The following KLHL1 variants were observed in gnomAD, a reference collection of about 807,000 sequenced individuals.
KLHL1 encodes the protein kelch like family member 1, also known as kelch-like protein 1.
KLHL1 carries 47 observed loss-of-function variants against 77.7 expected under a neutral mutation model. That is an observed-to-expected ratio of 0.60 (90% confidence interval 0.48 to 0.77). The LOEUF is 0.77. Among genes scored for constraint, KLHL1 ranks in the 30% least tolerant of loss-of-function variants. The pLI is 0.00. For missense variants in KLHL1, 925 were observed against 910.8 expected, an observed-to-expected ratio of 1.02 and a Z score of -0.20; for synonymous variants, 360 against 325.2, an observed-to-expected ratio of 1.11 and a Z score of -1.15.
intron 4 of KLHL1, among the ~76,000 whole-genome samples, chr13:69,915,368 C>T (rs1882390918): frequency 6.6e-6 from 1 of 152,192 alleles, no homozygotes; most frequent in Non-Finnish European, 1.5e-5. Context: ...GTAACCAAAA[C>T]AGCAGGGTAC....
intron 1 of KLHL1, among the ~76,000 whole-genome samples, chr13:70,095,911 T>A (rs575037056): frequency 5.7e-4 from 87 of 152,176 alleles, no homozygotes; most frequent in Non-Finnish European, 7.4e-4. Context: ...GTTCATTTTT[T>A]TTTAGTTCCC....
At chr13:70,069,040 A>C (rs1887077961) in intron 1 of KLHL1, among the ~76,000 whole-genome samples, 2 of 152,204 alleles carry the variant, frequency 1.3e-5, no homozygotes, top group African/African-American at 4.8e-5. Flanking sequence ...GCAAACTATT[A>C]AACTATTTTG....
At chr13:69,972,819 C>T (rs774396236) in intron 2 of KLHL1, among the ~76,000 whole-genome samples, 1 of 151,840 alleles carries the variant, frequency 6.6e-6, no homozygotes, top group Non-Finnish European at 1.5e-5. Flanking sequence ...GCCATGAACA[C>T]CTCCTAATTT....
At chr13:69,701,816 A>C in intron 10 of KLHL1, 55 bp from the exon 11 acceptor site, 1 of 1,231,800 alleles carries the variant, frequency 8.1e-7, no homozygotes, top group Non-Finnish European at 1.1e-6. Flanking sequence ...AAAATATAAA[A>C]CTTATATTTT....
intron 10 of KLHL1, among the ~76,000 whole-genome samples, chr13:69,702,280 C>T (rs1467289713): frequency 6.6e-6 from 1 of 151,456 alleles, no homozygotes; most frequent in Non-Finnish European, 1.5e-5. Context: ...TTGCTATATG[C>T]TTATTAAAAA....
chr13:70,083,343 T>C (rs180705510), intron 1 of KLHL1, among the ~76,000 whole-genome samples: 20 of 152,342 alleles, frequency 1.3e-4, no homozygotes, highest in African/African-American at 4.3e-4. Flanking sequence ...CTTATTTCTT[T>C]CCTTCTTTTT....
At chr13:69,913,892 G>A (rs1882326707) in intron 4 of KLHL1, among the ~76,000 whole-genome samples, 1 of 152,166 alleles carries the variant, frequency 6.6e-6, no homozygotes, top group Non-Finnish European at 1.5e-5. Flanking sequence ...GCTGCCAAAG[G>A]AGATTAACAT....
At chr13:69,841,116 A>G (rs923795073) in intron 5 of KLHL1, among the ~76,000 whole-genome samples, 2 of 151,888 alleles carry the variant, frequency 1.3e-5, no homozygotes, top group African/African-American at 4.8e-5. Flanking sequence ...TTAACTAGAT[A>G]AATAGTTAAA....
At chr13:69,884,497 T>C (rs1008971958) in intron 4 of KLHL1, among the ~76,000 whole-genome samples, 1 of 151,374 alleles carries the variant, frequency 6.6e-6, no homozygotes, top group Non-Finnish European at 1.5e-5. Context: ...TTTGTCCACC[T>C]GTTTTTCCAG....
chr13:70,022,306 T>A (rs1885824154), intron 1 of KLHL1, among the ~76,000 whole-genome samples: 1 of 144,206 alleles, frequency 6.9e-6, no homozygotes, highest in Admixed American at 6.9e-5. Context: ...TGTGTGTGTA[T>A]GTGTTTGGTT....
chr13:69,710,923 G>A (rs1373701483), intron 9 of KLHL1, among the ~76,000 whole-genome samples: 2 of 151,942 alleles, frequency 1.3e-5, no homozygotes, highest in Non-Finnish European at 2.9e-5. Flanking sequence ...CTCCGTATCA[G>A]AGACTCTATT....
At chr13:69,883,306 C>G (rs1382609361) in intron 4 of KLHL1, among the ~76,000 whole-genome samples, 2 of 152,086 alleles carry the variant, frequency 1.3e-5, no homozygotes, top group African/African-American at 4.8e-5. Flanking sequence ...TTTTCCTGTT[C>G]TCTTTGTTTT....
At chr13:69,947,028 TTGTGTGTGTGTG>T (rs59606834) in intron 3 of KLHL1, among the ~76,000 whole-genome samples, 36,861 of 145,848 alleles carry the variant, frequency 0.25, 4,985 homozygotes, top group South Asian at 0.31. Context: ...TGTGTGTGTG[TTGTGTGTGTGTG>T]TGTGTGTGTG....
chr13:69,740,377 G>T lies in KLHL1; in HGVS notation c.1802+17C>A. 1 of 1,513,116 alleles carries T rather than the reference G, an allele frequency of 6.6e-7. No homozygotes were observed. Among genetic ancestry groups the T allele is most frequent in the African/African-American group, 1.4e-5 (1 of 71,936 alleles). The allele number at this position is 1,513,116 out of a possible 1,614,324, so 93.7% of individuals were successfully genotyped here. A position where few individuals can be genotyped will look rare whatever the true frequency, so the allele number is the denominator to read the frequency against. ...CTTTTTTTCTAAGATTAAAAAATAAGAAAAAAATTTACTTACTTGCCATTC... is the reference window on the plus strand; with the variant it reads ...CTTTTTTTCTAAGATTAAAAAATAATAAAAAAATTTACTTACTTGCCATTC... On this transcript the variant is annotated intron_variant, in intron 8 of 10. Coordinates refer to ENST00000377844, the MANE Select transcript of KLHL1 (RefSeq NM_020866.3).
intron 1 of KLHL1, among the ~76,000 whole-genome samples, chr13:70,084,622 C>CAT (rs1555296089): frequency 6.7e-5 from 1 of 14,956 alleles, no homozygotes; most frequent in African/African-American, 3.4e-4. Flanking sequence ...CCACGCCAGG[C>CAT]TTTTTTTTTT....
At chr13:69,855,840 G>T (rs75813804) in intron 5 of KLHL1, among the ~76,000 whole-genome samples, 30 of 141,778 alleles carry the variant, frequency 2.1e-4, no homozygotes, top group Non-Finnish European at 4.4e-4. Context: ...TTATATATAC[G>T]GTATTATATA....
At chr13:69,721,333 C>T (rs923760415) in intron 8 of KLHL1, among the ~76,000 whole-genome samples, 11 of 150,468 alleles carry the variant, frequency 7.3e-5, no homozygotes, top group Admixed American at 6.7e-5. Flanking sequence ...ATTGATGTCT[C>T]GTATCTCCCT....
chr13:70,064,647 T>C (rs1262430419), intron 1 of KLHL1, among the ~76,000 whole-genome samples: 1 of 152,182 alleles, frequency 6.6e-6, no homozygotes, highest in East Asian at 1.9e-4. Context: ...ACCGTTGTAG[T>C]TGTAGTGCCT....
At chr13:69,750,989 A>C (rs950233151) in intron 7 of KLHL1, among the ~76,000 whole-genome samples, 2 of 152,018 alleles carry the variant, frequency 1.3e-5, no homozygotes, top group Non-Finnish European at 1.5e-5. Flanking sequence ...ATGTACATTC[A>C]CAATTGACAA....
Sources: gnomAD v4.1 joint callset for allele counts (sites outside exome capture counted in the v4.1 genomes callset) on GRCh38, gnomAD v4.1.1 for gene constraint, MANE v1.5 for transcripts, NCBI Gene and HGNC (gene_info 2026-07-23, HGNC 2026-07-21) for gene names.